TIAM2: variants seen among roughly 807,000 people sequenced by gnomAD.
TIAM2 encodes the protein TIAM Rac1 associated GEF 2, also known as rho guanine nucleotide exchange factor TIAM2.
In TIAM2, 80 loss-of-function variants were observed where a neutral mutation model predicts 152.9. The ratio of observed to expected loss-of-function variants is 0.52; its 90% CI spans 0.44 to 0.63. The LOEUF (loss-of-function observed/expected upper bound fraction) is 0.63. Among genes scored for constraint, TIAM2 ranks in the 30% least tolerant of loss-of-function variants. TIAM2 has a pLI of 0.00. For synonymous variants in TIAM2, 804 were observed against 838.0 expected, an observed-to-expected ratio of 0.96 and a Z score of 0.70; for missense variants, 1,965 against 2,120.1, an observed-to-expected ratio of 0.93 and a Z score of 1.44.
At chr6:155,171,563 C>A (rs755729604) in intron 9 of TIAM2, among the ~76,000 whole-genome samples, 6 of 122,616 alleles carry the variant, frequency 4.9e-5, no homozygotes, top group African/African-American at 1.4e-4. Flanking sequence ...GAAAAAAAAA[C>A]CTAAAAAACC....
chr6:155,059,655 T>G (rs1266312738), intron 1 of TIAM2, among the ~76,000 whole-genome samples: 1 of 152,072 alleles, frequency 6.6e-6, no homozygotes, highest in Non-Finnish European at 1.5e-5. Flanking sequence ...AAATTAAGGT[T>G]ATGGATTTTG....
At chr6:155,066,450 A>G (rs756776628) in intron 1 of TIAM2, among the ~76,000 whole-genome samples, 8 of 152,328 alleles carry the variant, frequency 5.3e-5, no homozygotes, top group Non-Finnish European at 1.0e-4. Flanking sequence ...ACCGCTGGGA[A>G]GAGTTGCTTC....
chr6:155,077,225 T>G (rs1777981230), intron 1 of TIAM2, among the ~76,000 whole-genome samples: 1 of 152,040 alleles, frequency 6.6e-6, no homozygotes, highest in Non-Finnish European at 1.5e-5. Flanking sequence ...AGGCTTAGCC[T>G]TAGGCTCAGC....
At chr6:155,244,831 A>C in intron 18 of TIAM2, 48 bp downstream of exon 18, 1 of 1,557,726 alleles carries the variant, frequency 6.4e-7, no homozygotes, top group Non-Finnish European at 8.7e-7. Context: ...TGGCTATGGT[A>C]CGTATTTCTC....
rs1220109982 is a variant in TIAM2 at position 154,995,630 on chromosome 6, C to T, written c.-209+138C>T. 1 of 152,080 alleles carries T rather than the reference C, an allele frequency of 6.6e-6. No homozygotes were observed. Among genetic ancestry groups the T allele is most frequent in the East Asian group, 1.9e-4 (1 of 5,168 alleles). The allele number at this position is 152,080 out of a possible 1,614,324, so 9.4% of individuals were successfully genotyped here. ...CTTTGTTGGCCGCCCCTCTCTGCCCCCGCTTTCCTGGGAGTCCCGCGGAAG... is the reference window on the plus strand; with the variant it reads ...CTTTGTTGGCCGCCCCTCTCTGCCCTCGCTTTCCTGGGAGTCCCGCGGAAG... On this transcript the variant is annotated intron_variant, in intron 1 of 26. Transcript: ENST00000682666. The surrounding 1 kb of genome is among the most constrained non-coding windows in gnomAD (Gnocchi z 5.2).
intron 1 of TIAM2, among the ~76,000 whole-genome samples, chr6:155,004,282 C>A (rs190569281): frequency 1.6e-4 from 24 of 152,274 alleles, no homozygotes; most frequent in Middle Eastern, 3.4e-3. Context: ...TGTAGTCTTT[C>A]CAGAGTCTTC....
intron 14 of TIAM2, among the ~76,000 whole-genome samples, chr6:155,200,026 T>G (rs1457044379): frequency 7.9e-5 from 12 of 152,346 alleles, no homozygotes; most frequent in Admixed American, 7.2e-4. Flanking sequence ...TTTCCTTCCA[T>G]GTAGGGAAAA....
At chr6:155,125,653 A>T (rs982158960) in intron 2 of TIAM2, among the ~76,000 whole-genome samples, 1 of 152,190 alleles carries the variant, frequency 6.6e-6, no homozygotes, top group Non-Finnish European at 1.5e-5. Flanking sequence ...AGCCTGGCCA[A>T]CACGGTGAAG....
chr6:155,227,659 A>G (rs969099151), intron 15 of TIAM2, among the ~76,000 whole-genome samples: 5 of 152,232 alleles, frequency 3.3e-5, no homozygotes, highest in Non-Finnish European at 7.3e-5. Context: ...GAGCGACTGT[A>G]TTTGTGAAAT....
intron 5 of TIAM2, among the ~76,000 whole-genome samples, chr6:155,144,042 C>G (rs568111905): frequency 6.6e-6 from 1 of 152,268 alleles, no homozygotes; most frequent in African/African-American, 2.4e-5. Context: ...TGACAGTTCC[C>G]CTGCCTGCTC....
chr6:155,095,779 G>T (rs1216213810), intron 2 of TIAM2, among the ~76,000 whole-genome samples: 3 of 152,146 alleles, frequency 2.0e-5, no homozygotes, highest in African/African-American at 7.2e-5. Flanking sequence ...TCCATAAAGA[G>T]AAAATATTAT....
At chr6:155,158,062 A>T (rs996215783) in intron 7 of TIAM2, among the ~76,000 whole-genome samples, 3 of 152,180 alleles carry the variant, frequency 2.0e-5, no homozygotes, top group African/African-American at 7.2e-5. Context: ...TAGTATTTGG[A>T]AAGCATGGAA....
At chr6:155,104,624 G>A (rs112519163) in intron 2 of TIAM2, among the ~76,000 whole-genome samples, 94 of 152,194 alleles carry the variant, frequency 6.2e-4, no homozygotes, top group African/African-American at 2.2e-3. Flanking sequence ...GGGCGTGGTG[G>A]CGGGCGCTTG....
intron 1 of TIAM2, among the ~76,000 whole-genome samples, chr6:155,068,266 G>A (rs563008596): frequency 6.6e-6 from 1 of 152,182 alleles, no homozygotes; most frequent in South Asian, 2.1e-4. Context: ...AATGCTAAAG[G>A]CAAAAAACTC....
Position 155,179,378 on chromosome 6 carries a change from G to T in TIAM2, c.2629G>T (p.Val877Phe). The change falls in exon 12 of 27, where the codon GTT (valine) becomes TTT (phenylalanine). Residue 877 changes from valine (V) to phenylalanine (F), a missense_variant and splice_region_variant. Coordinates refer to ENST00000682666, the MANE Select transcript of TIAM2 (RefSeq NM_012454.4). The part of the protein sequence containing the change: ...PAPYEYMQQQ[V>F]YDEIEVFPLN... ...ATTTTGTTGTTTTCACCTTTTGCAG[G>T]TTTATGATGAAATAGAAGTCTTTCC... The T allele has an allele frequency of 1.9e-6, 3 of 1,613,606 alleles. No homozygotes were observed. Among genetic ancestry groups the T allele is most frequent in the Non-Finnish European group, 2.5e-6 (3 of 1,179,898 alleles).
intron 2 of TIAM2, among the ~76,000 whole-genome samples, chr6:155,105,249 T>A (rs996379638): frequency 3.9e-5 from 6 of 152,136 alleles, no homozygotes; most frequent in Non-Finnish European, 7.4e-5. Context: ...AGCCTCTGCC[T>A]CCCGAGTTCT....
At chr6:155,137,642 T>C (rs1274469034) in intron 5 of TIAM2, 30 bp downstream of exon 5, 1 of 1,524,602 alleles carries the variant, frequency 6.6e-7, no homozygotes, top group Non-Finnish European at 8.7e-7. Flanking sequence ...CTGAGGCCAC[T>C]GGGGATTGTT....
At chr6:155,011,652 C>T (rs1194729749) in intron 1 of TIAM2, among the ~76,000 whole-genome samples, 1 of 152,170 alleles carries the variant, frequency 6.6e-6, no homozygotes, top group African/African-American at 2.4e-5. Context: ...TGGGATCACC[C>T]TCAGTTTTTA....
chr6:155,121,405 A>G (rs140585999), intron 2 of TIAM2, among the ~76,000 whole-genome samples: 13 of 152,338 alleles, frequency 8.5e-5, no homozygotes, highest in African/African-American at 2.9e-4. Context: ...TCTGTGAGGT[A>G]GTAGTGCAGA....
Sources: gnomAD v4.1 joint callset for allele counts (sites outside exome capture counted in the v4.1 genomes callset) on GRCh38, gnomAD v4.1.1 for gene constraint, Gnocchi (gnomAD v3.1) non-coding constraint, MANE v1.5 for transcripts, NCBI Gene and HGNC (gene_info 2026-07-23, HGNC 2026-07-21) for gene names.